The following GNAI2 variants were observed in gnomAD, a reference collection of about 807,000 sequenced individuals.
GNAI2 encodes G protein subunit alpha i2, also known as guanine nucleotide-binding protein G(i) subunit alpha-2.
In GNAI2, 4 loss-of-function variants were observed where a neutral mutation model predicts 36.8. That is an observed-to-expected ratio of 0.11 (90% CI 0.05 to 0.25). The LOEUF is 0.25. Among genes scored for constraint, GNAI2 ranks in the 10% least tolerant of loss-of-function variants. The pLI, the probability that GNAI2 is intolerant of heterozygous loss-of-function variation, is 1.00. For missense variants in GNAI2, 230 were observed against 481.3 expected (o/e 0.48, Z 4.89); for synonymous variants, 194 against 194.1 (o/e 1.00, Z 0.01).
chr3:50,227,419 A>T, upstream of GNAI2: 1 of 324,252 alleles, frequency 3.1e-6, no homozygotes, highest in Non-Finnish European at 5.6e-6. The surrounding 1 kb of genome is among the most constrained non-coding windows in gnomAD (Gnocchi z 5.9). Context: ...GGCCACCGTG[A>T]GTGGGGGCCG....
upstream of GNAI2, among the ~76,000 whole-genome samples, chr3:50,232,339 G>A (rs145633015): frequency 5.7e-3 from 866 of 152,102 alleles, 6 homozygotes; most frequent in African/African-American, 0.02. Flanking sequence ...CAAAAAAAAA[G>A]AAATCACTAC....
upstream of GNAI2, among the ~76,000 whole-genome samples, chr3:50,231,572 G>A (rs782033874): frequency 9.9e-5 from 15 of 152,216 alleles, no homozygotes; most frequent in Non-Finnish European, 1.9e-4. Flanking sequence ...ACCGCACCCG[G>A]CCTTATTCAT....
upstream of GNAI2, among the ~76,000 whole-genome samples, chr3:50,231,973 G>T (rs1341458688): frequency 6.6e-6 from 1 of 151,642 alleles, no homozygotes; most frequent in Non-Finnish European, 1.5e-5. Context: ...AAGACGGGAG[G>T]ATTGCCTGAG....
chr3:50,237,290 G>C (rs889967044), intron 1 of GNAI2, among the ~76,000 whole-genome samples: 16 of 152,116 alleles, frequency 1.1e-4, no homozygotes, highest in African/African-American at 3.1e-4. Flanking sequence ...AGGGGGCCAG[G>C]CCTCAGGCTT....
chr3:50,252,665 A>C lies in GNAI2; in HGVS notation c.303+127A>C. On this transcript the variant is annotated intron_variant, in intron 3 of 8. Transcript: ENST00000313601. This position sits in a 1 kb window ranked among gnomAD's most constrained non-coding sequence, Gnocchi z 4.1. ...GGCGGGTGGATCACCTGAGGTCAGG[A>C]CCAGCCTGGCCAACTTGGTGAAACC... 1.3e-6 allele frequency: 1 copy of C among 780,418 alleles called. No homozygotes were observed. The highest frequency in any genetic ancestry group is 2.1e-6 in the Non-Finnish European group (1 of 486,588). 48.3% of individuals were successfully genotyped at this position (780,418 alleles called of 1,614,324 possible). A position where few individuals can be genotyped will look rare whatever the true frequency, so the allele number is the denominator to read the frequency against.
chr3:50,233,876 A>G (rs1286712989), upstream of GNAI2, among the ~76,000 whole-genome samples: 1 of 151,448 alleles, frequency 6.6e-6, no homozygotes, highest in Non-Finnish European at 1.5e-5. Flanking sequence ...GCTGGAACAA[A>G]ATGTGTAACA....
At chr3:50,251,401 G>T (rs1700553346) in intron 1 of GNAI2, 3 of 1,016,230 alleles carry the variant, frequency 3.0e-6, no homozygotes, top group Non-Finnish European at 3.5e-6. Context: ...CCAGGGAAAA[G>T]CTTGAGTCAG....
At chr3:50,231,407 T>G (rs1034404597), upstream of GNAI2, among the ~76,000 whole-genome samples, 2 of 152,228 alleles carry the variant, frequency 1.3e-5, no homozygotes, top group Non-Finnish European at 2.9e-5. Context: ...GCCTCGCAAG[T>G]AGCCGGGATT....
upstream of GNAI2, among the ~76,000 whole-genome samples, chr3:50,233,439 A>C (rs587628748): frequency 6.6e-6 from 1 of 152,322 alleles, no homozygotes; most frequent in Non-Finnish European, 1.5e-5. Flanking sequence ...AGGCCAGAGG[A>C]GCGAGGATCA....
chr3:50,228,652 T>C (rs1031500522), upstream of GNAI2, among the ~76,000 whole-genome samples: 6 of 152,112 alleles, frequency 3.9e-5, no homozygotes, highest in African/African-American at 1.4e-4. Context: ...TCTTGCCCCA[T>C]GGCCGGGATG....
upstream of GNAI2, among the ~76,000 whole-genome samples, chr3:50,233,678 C>T (rs1700108349): frequency 1.3e-5 from 2 of 152,058 alleles, no homozygotes; most frequent in Admixed American, 6.6e-5. Flanking sequence ...GTTGCATGCC[C>T]ATGGCAGGGC....
intron 1 of GNAI2, among the ~76,000 whole-genome samples, chr3:50,247,679 C>T (rs1700455047): frequency 6.6e-6 from 1 of 152,396 alleles, no homozygotes; most frequent in African/African-American, 2.4e-5. Flanking sequence ...GCAGCTGCCA[C>T]CACCCAGCAC....
intron 1 of GNAI2, chr3:50,231,138 C>T (rs1700059555): frequency 6.1e-6 from 1 of 163,616 alleles, no homozygotes; most frequent in African/African-American, 2.4e-5. Flanking sequence ...CTCCCTCTAG[C>T]ACTCCCTGCA....
At position 50,255,195 on chromosome 3, in the gene GNAI2, C is replaced by T. The variant is rs587680615; in HGVS notation, c.465-997C>T. ...AAGGGCCAGCCCCAGCAGCCTTGCC[C>T]CAGGAATGAAAAGTCAGCTCTGGGC... On this transcript the variant is annotated intron_variant, in intron 4 of 8. Transcript: ENST00000313601. This position sits in a 1 kb window ranked among gnomAD's most constrained non-coding sequence, Gnocchi z 4.0. 6.6e-6 allele frequency among the ~76,000 whole-genome samples: 1 copy of T among 152,316 alleles called. No individual in the cohort carries two copies. Among genetic ancestry groups the T allele is most frequent in the South Asian group, 2.1e-4 (1 of 4,828 alleles).
In GNAI2 at chr3:50,253,105, C is replaced by A. The variant is rs180852414; in HGVS notation, c.385C>A (p.Arg129=). 1 of 1,613,406 alleles carries A rather than the reference C, an allele frequency of 6.2e-7. No homozygotes were observed. Among genetic ancestry groups the A allele is most frequent in the East Asian group, 2.2e-5 (1 of 44,856 alleles). The change falls in exon 4 of 9, where the codon CGG becomes AGG. Residue 129 remains arginine, a synonymous_variant. Coordinates refer to ENST00000313601, the MANE Select transcript of GNAI2 (RefSeq NM_002070.4). This position sits in a 1 kb window ranked among gnomAD's most constrained non-coding sequence, Gnocchi z 4.2. The stretch of plus-strand genomic sequence containing the variant: ...CCCTGATGACCTGTCCGGCGTCATC[C>A]GGAGGCTCTGGGCTGACCATGGTGT... ...VLPDDLSGVI[R]RLWADHGVQA... is the part of the protein sequence containing the mutation.
intron 1 of GNAI2, among the ~76,000 whole-genome samples, chr3:50,249,596 G>A (rs587608652): frequency 3.9e-5 from 6 of 152,282 alleles, no homozygotes; most frequent in African/African-American, 1.4e-4. Context: ...CAGCCACAGC[G>A]CCCCAGCCTT....
At chr3:50,249,973 C>T (rs1420337332) in intron 1 of GNAI2, among the ~76,000 whole-genome samples, 1 of 152,174 alleles carries the variant, frequency 6.6e-6, no homozygotes, top group South Asian at 2.1e-4. Flanking sequence ...AGGGAGTGAA[C>T]CCAGTGCCAG....
intron 1 of GNAI2, among the ~76,000 whole-genome samples, chr3:50,246,134 A>G (rs1700414613): frequency 2.0e-5 from 3 of 152,184 alleles, no homozygotes; most frequent in Admixed American, 2.0e-4. Flanking sequence ...AAGAGACGCC[A>G]GGGGCGGGGC....
At chr3:50,233,141 G>T (rs987546827), upstream of GNAI2, among the ~76,000 whole-genome samples, 1 of 152,012 alleles carries the variant, frequency 6.6e-6, no homozygotes, top group Middle Eastern at 3.2e-3. Context: ...CCATGGAGAT[G>T]GAGAAGGAGC....
Sources: allele counts gnomAD v4.1 joint callset (sites outside exome capture counted in the v4.1 genomes callset), GRCh38; gene constraint gnomAD v4.1.1; non-coding constraint Gnocchi (gnomAD v3.1); transcripts MANE v1.5; gene names NCBI Gene and HGNC (gene_info 2026-07-23, HGNC 2026-07-21).